Variants in ANXA7 observed in about 807,000 individuals in gnomAD.
The protein encoded by ANXA7 is annexin A7, also known as annexin VII.
ANXA7 carries 55 observed loss-of-function variants against 64.9 expected under a neutral mutation model. That is an observed-to-expected ratio of 0.85 (90% CI 0.68 to 1.06). ANXA7 has a LOEUF of 1.06. Among genes scored for constraint, ANXA7 ranks in the 50% least tolerant of loss-of-function variants. The probability of loss-of-function intolerance (pLI) is 0.00; values close to 1 mark genes in which losing one functional copy is unlikely to be tolerated. For missense variants in ANXA7, 548 were observed against 582.1 expected (o/e 0.94, Z 0.60); for synonymous variants, 200 against 192.4 (o/e 1.04, Z -0.33).
intron 1 of ANXA7, among the ~76,000 whole-genome samples, chr10:73,407,745 G>A (rs1295713520): frequency 1.3e-5 from 2 of 152,200 alleles, no homozygotes; most frequent in Non-Finnish European, 2.9e-5. Flanking sequence ...TGAGTACACA[G>A]TATAGGAAAA....
chr10:73,396,573 A>G lies in ANXA7; in HGVS notation c.381T>C (p.Pro127=). The part of the protein sequence containing the change: ...PAQVPLPGGF[P]GGQMPSQYPG... ...GATACTGAGAAGGCATCTGTCCTCC[A>G]GGAAAGCCACCTATAATGTTAAAAA... The change falls in exon 5 of 13, where the codon CCT becomes CCC. Residue 127 remains proline, a synonymous_variant. Coordinates refer to ENST00000372921, the MANE Select transcript of ANXA7 (RefSeq NM_001156.5). 6.2e-7 allele frequency: 1 copy of G among 1,608,786 alleles called. No homozygotes were observed. Among genetic ancestry groups the G allele is most frequent in the Non-Finnish European group, 8.5e-7 (1 of 1,176,682 alleles).
intron 1 of ANXA7, among the ~76,000 whole-genome samples, chr10:73,407,686 A>G (rs1358416533): frequency 2.0e-5 from 3 of 152,376 alleles, no homozygotes; most frequent in East Asian, 1.9e-4. Context: ...TCCACTGTGT[A>G]ATGAGCACTG....
At chr10:73,400,721 A>G (rs1381817438) in intron 2 of ANXA7, 82 bp downstream of exon 2, 3 of 1,145,786 alleles carry the variant, frequency 2.6e-6, no homozygotes, top group East Asian at 2.6e-5. Context: ...CCCCTGCTCA[A>G]GCATATCTGT....
chr10:73,400,995 C>T (rs915793588), intron 1 of ANXA7, 138 bp from the exon 2 acceptor site: 13 of 521,314 alleles, frequency 2.5e-5, no homozygotes, highest in Admixed American at 1.1e-4. Context: ...CAACCTCTGC[C>T]TCCGGGTTCA....
At chr10:73,395,412 T>G (rs11000641) in intron 5 of ANXA7, among the ~76,000 whole-genome samples, 2,564 of 152,346 alleles carry the variant, frequency 0.017, 43 homozygotes, top group Non-Finnish European at 0.027. Context: ...TCAAGTATAC[T>G]GCTTATTTTG....
intron 1 of ANXA7, among the ~76,000 whole-genome samples, chr10:73,405,758 C>T (rs958701153): frequency 6.6e-6 from 1 of 152,072 alleles, no homozygotes; most frequent in Admixed American, 6.6e-5. Flanking sequence ...AAAGGTGAGA[C>T]GTAACTGTGA....
chr10:73,412,250 TG>T (rs1238966940), intron 1 of ANXA7, among the ~76,000 whole-genome samples: 1 of 151,840 alleles, frequency 6.6e-6, no homozygotes, highest in East Asian at 2.0e-4. Context: ...TTAGTCAGGA[TG>T]GTCTCGATCT....
chr10:73,398,046 AG>A (rs1173287367), intron 3 of ANXA7, 134 bp downstream of exon 3: 44 of 788,222 alleles, frequency 5.6e-5, no homozygotes, highest in African/African-American at 1.2e-4. Context: ...CTTGCCAGCT[AG>A]GTCCTTACTA....
chr10:73,390,953 C>T (rs1249797169), intron 5 of ANXA7, among the ~76,000 whole-genome samples: 2 of 151,180 alleles, frequency 1.3e-5, no homozygotes, highest in African/African-American at 2.4e-5. Context: ...AGGTGGATCA[C>T]GAGGTCAAGA....
At chr10:73,377,569 CAAAAAAAAAA>C (rs765858882) in intron 12 of ANXA7, 3 of 29,606 alleles carry the variant, frequency 1.0e-4, no homozygotes, top group East Asian at 1.9e-3. Flanking sequence ...GACTCCATCT[CAAAAAAAAAA>C]AAAAAAAAAA....
Position 73,387,689 on chromosome 10 carries a change from C to T in ANXA7, c.633G>A (p.Lys211=). 1 of 1,612,896 alleles carries T rather than the reference C, an allele frequency of 6.2e-7. No individual in the cohort carries two copies. The highest frequency in any genetic ancestry group is 2.2e-5 in the East Asian group (1 of 44,872). ...CTCATTCCAGGAAAGAAAAACATAC[C>T]TTGCCATAGGAGGTCTTAAATGCTG... is the stretch of plus-strand genomic sequence containing the variant. The part of the protein sequence containing the change: ...IKAAFKTSYG[K]DLIKDLKSEL... The change falls in exon 7 of 13, where the codon AAG becomes AAA. Residue 211 remains lysine, a splice_region_variant and synonymous_variant. Transcript: ENST00000372921.
intron 9 of ANXA7, among the ~76,000 whole-genome samples, chr10:73,382,871 AG>A (rs1483469263): frequency 4.6e-5 from 7 of 152,206 alleles, no homozygotes; most frequent in Non-Finnish European, 1.0e-4. Flanking sequence ...CATAATGGGC[AG>A]GATAGTGATA....
intron 4 of ANXA7, 26 bp downstream of exon 4, chr10:73,397,137 GT>G: frequency 2.3e-6 from 3 of 1,331,644 alleles, no homozygotes; most frequent in East Asian, 2.5e-5. Flanking sequence ...TCATGATACT[GT>G]TTTTTTCTGG....
intron 5 of ANXA7, among the ~76,000 whole-genome samples, chr10:73,394,158 G>A (rs2132676419): frequency 6.6e-6 from 1 of 152,300 alleles, no homozygotes; most frequent in Middle Eastern, 3.4e-3. Flanking sequence ...AAACCACAAT[G>A]AGATATCATC....
chr10:73,383,976 C>G (rs1377536628), intron 7 of ANXA7, among the ~76,000 whole-genome samples: 1 of 151,886 alleles, frequency 6.6e-6, no homozygotes, highest in Non-Finnish European at 1.5e-5. Flanking sequence ...AAAAAATTAA[C>G]CGGGAGTGGT....
intron 7 of ANXA7, among the ~76,000 whole-genome samples, chr10:73,385,313 T>C (rs531843359): frequency 6.6e-6 from 1 of 152,278 alleles, no homozygotes; most frequent in East Asian, 1.9e-4. Flanking sequence ...TCAGAATGGA[T>C]GATGGTGACA....
At chr10:73,406,346 G>C (rs2055758782) in intron 1 of ANXA7, among the ~76,000 whole-genome samples, 1 of 152,100 alleles carries the variant, frequency 6.6e-6, no homozygotes, top group South Asian at 2.1e-4. Flanking sequence ...TTCATCACTT[G>C]ATGCCTGTCT....
chr10:73,402,735 T>A lies in ANXA7; in HGVS notation c.-1-1878A>T, dbSNP rs1272662675. 2.0e-5 allele frequency among the ~76,000 whole-genome samples: 3 copies of A among 152,354 alleles called. No individual in the cohort carries two copies. The East Asian group carries it at 5.8e-4, about 29-fold the overall frequency. The stretch of plus-strand genomic sequence containing the variant: ...ACTATCTCCTACATATGATTACTTT[T>A]ACAGTTTATCTACCTATCTTTAAGT... On this transcript the variant is annotated intron_variant, in intron 1 of 12. Coordinates refer to ENST00000372921, the MANE Select transcript of ANXA7 (RefSeq NM_001156.5).
chr10:73,385,505 A>G (rs2055352933), intron 7 of ANXA7, among the ~76,000 whole-genome samples: 1 of 152,212 alleles, frequency 6.6e-6, no homozygotes, highest in Non-Finnish European at 1.5e-5. Context: ...GCTAGGACAA[A>G]GCATACAGAA....
Sources: allele counts gnomAD v4.1 joint callset (sites outside exome capture counted in the v4.1 genomes callset), GRCh38; gene constraint gnomAD v4.1.1; transcripts MANE v1.5; gene names NCBI Gene and HGNC (gene_info 2026-07-23, HGNC 2026-07-21).